TSGA10: variants seen among roughly 807,000 people sequenced by gnomAD.
TSGA10 encodes the protein testis-specific gene 10 protein.
A neutral mutation model predicts 96.6 loss-of-function variants in TSGA10; 43 were observed. That is an observed-to-expected ratio of 0.44 (90% confidence interval 0.35 to 0.57). The LOEUF is 0.57. Ranked by LOEUF, TSGA10 falls within the 20% of genes least tolerant of loss-of-function variation. The pLI is 0.01. For missense variants in TSGA10, 703 were observed against 834.4 expected, an observed-to-expected ratio of 0.84 and a Z score of 1.94; for synonymous variants, 229 against 269.9, an observed-to-expected ratio of 0.85 and a Z score of 1.48.
intron 10 of TSGA10, among the ~76,000 whole-genome samples, chr2:99,083,728 T>C (rs2087845981): frequency 6.6e-6 from 1 of 152,184 alleles, no homozygotes; most frequent in Non-Finnish European, 1.5e-5. Flanking sequence ...ATCATGGCTG[T>C]ATGACTCTTC....
chr2:98,998,576 G>A (rs1573266560), intron 20 of TSGA10, among the ~76,000 whole-genome samples: 1 of 152,200 alleles, frequency 6.6e-6, no homozygotes, highest in East Asian at 1.9e-4. Flanking sequence ...ACAGGGAGAT[G>A]AAGAAGGTCA....
chr2:99,085,119 C>A (rs938609781), intron 10 of TSGA10, among the ~76,000 whole-genome samples: 5 of 151,866 alleles, frequency 3.3e-5, no homozygotes, highest in African/African-American at 1.2e-4. Context: ...CAGTGGCATG[C>A]ACCTGCAATC....
chr2:99,004,204 T>C (rs1167428146), intron 20 of TSGA10, among the ~76,000 whole-genome samples: 1 of 151,906 alleles, frequency 6.6e-6, no homozygotes, highest in African/African-American at 2.4e-5. Context: ...CTAGAAGAAA[T>C]GGATAAATTC....
At chr2:99,008,721 T>G (rs957484028) in intron 20 of TSGA10, among the ~76,000 whole-genome samples, 9 of 152,198 alleles carry the variant, frequency 5.9e-5, no homozygotes, top group Non-Finnish European at 1.3e-4. Context: ...ATGTACAAGA[T>G]TATTCATTAC....
intron 6 of TSGA10, among the ~76,000 whole-genome samples, 191 bp from the exon 7 acceptor site, chr2:99,109,182 T>G (rs1574432894): frequency 1.3e-5 from 2 of 152,354 alleles, no homozygotes; most frequent in African/African-American, 4.8e-5. Context: ...TTTGCCTGAT[T>G]ACCTCCCAAG....
rs887134423 is a variant in TSGA10 at position 99,127,176 on chromosome 2, C to G, written c.-620G>C. 1 of 1,280,042 alleles carries G rather than the reference C, an allele frequency of 7.8e-7. No individual in the cohort carries two copies. The highest frequency in any genetic ancestry group is 2.4e-5 in the Admixed American group (1 of 40,962). 79.3% of individuals were successfully genotyped at this position (1,280,042 alleles called of 1,614,324 possible). On this transcript the variant is annotated splice_region_variant and 5_prime_UTR_variant, in exon 2 of 21. Transcript: ENST00000393483. The stretch of plus-strand genomic sequence containing the variant: ...CCAAAATCATATTCTTTGGTGGTAA[C>G]CTAGTACAAAGAATGGGAAATAATA...
At chr2:99,033,252 A>G (rs1323903241) in intron 17 of TSGA10, among the ~76,000 whole-genome samples, 1 of 152,244 alleles carries the variant, frequency 6.6e-6, no homozygotes, top group Non-Finnish European at 1.5e-5. Flanking sequence ...CAGCCACATT[A>G]AAGTACATGC....
chr2:99,119,114 G>A (rs1006832489), intron 2 of TSGA10, among the ~76,000 whole-genome samples: 1 of 152,018 alleles, frequency 6.6e-6, no homozygotes, highest in African/African-American at 2.4e-5. Context: ...CAGCTATAGA[G>A]TTATCGTCTT....
intron 10 of TSGA10, among the ~76,000 whole-genome samples, chr2:99,087,831 AC>A (rs2088744795): frequency 6.6e-6 from 1 of 152,220 alleles, no homozygotes; most frequent in Non-Finnish European, 1.5e-5. Flanking sequence ...AATAAAAACC[AC>A]CAAGCAAAAA....
intron 12 of TSGA10, among the ~76,000 whole-genome samples, chr2:99,078,211 C>T (rs751414569): frequency 2.8e-5 from 4 of 140,738 alleles, no homozygotes; most frequent in Non-Finnish European, 6.0e-5. Context: ...GCGGAGCTTG[C>T]AGTAAGCCGA....
chr2:99,102,124 G>C (rs765912247), intron 10 of TSGA10: 4 of 1,453,298 alleles, frequency 2.8e-6, no homozygotes, highest in Non-Finnish European at 3.9e-6. Flanking sequence ...GAGTTAGATA[G>C]GGGTTACAAA....
intron 1 of TSGA10, among the ~76,000 whole-genome samples, chr2:99,143,501 T>C (rs2093599890): frequency 6.7e-6 from 1 of 150,310 alleles, no homozygotes; most frequent in African/African-American, 2.5e-5. Flanking sequence ...TCTCACTCTG[T>C]TGCCCTGTAC....
chr2:99,065,363 T>A (rs796565878), intron 15 of TSGA10, among the ~76,000 whole-genome samples: 34 of 152,284 alleles, frequency 2.2e-4, no homozygotes, highest in African/African-American at 7.7e-4. Context: ...ATAGTAAATT[T>A]AGGTAAATTA....
At chr2:99,020,619 CCTT>C (rs1388514305) in intron 17 of TSGA10, 137 bp from the exon 18 acceptor site, 1 of 615,674 alleles carries the variant, frequency 1.6e-6, no homozygotes, top group Non-Finnish European at 2.9e-6. Flanking sequence ...TTGTGTCCCT[CCTT>C]CTTACCAAAT....
chr2:99,105,841 G>C (rs2091287029), intron 7 of TSGA10, 144 bp from the exon 8 acceptor site: 1 of 490,540 alleles, frequency 2.0e-6, no homozygotes, highest in Non-Finnish European at 3.5e-6. Context: ...TTTAAAATAA[G>C]CTTATACAAA....
chr2:99,105,570 C>T lies in TSGA10; in HGVS notation c.338G>A (p.Arg113Gln), dbSNP rs369313989. 49 of 1,611,966 alleles carry T rather than the reference C, an allele frequency of 3.0e-5. No individual in the cohort carries two copies. In the Middle Eastern group the frequency reaches 8.2e-4, roughly 27 times the overall value. The change falls in exon 8 of 21, where the codon CGA (arginine) becomes CAA (glutamine). Residue 113 changes from arginine (R) to glutamine (Q), a missense_variant. Transcript: ENST00000393483. ...ACTATCTCGTTCTGTGGTCATTCTTCGTAAATCAGTAAAGGCTACATCTCT... is the reference window on the plus strand; with the variant it reads ...ACTATCTCGTTCTGTGGTCATTCTTTGTAAATCAGTAAAGGCTACATCTCT... Reference protein sequence around the residue: ...TERDVAFTDLRRMTTERDSLR... With the variant: ...TERDVAFTDLQRMTTERDSLR...
intron 1 of TSGA10, among the ~76,000 whole-genome samples, chr2:99,133,502 T>C (rs952924259): frequency 4.6e-5 from 7 of 152,236 alleles, no homozygotes; most frequent in Non-Finnish European, 1.0e-4. Context: ...ATGGGTCTCC[T>C]GAATACAACA....
intron 1 of TSGA10, among the ~76,000 whole-genome samples, chr2:99,129,009 G>A (rs2092952192): frequency 6.6e-6 from 1 of 152,090 alleles, no homozygotes; most frequent in Non-Finnish European, 1.5e-5. Flanking sequence ...AGGTCTCCCT[G>A]GGATTACAGG....
At chr2:99,043,854 G>C (rs2082456366) in intron 16 of TSGA10, among the ~76,000 whole-genome samples, 1 of 152,182 alleles carries the variant, frequency 6.6e-6, no homozygotes, top group Admixed American at 6.5e-5. Context: ...CTACAAGCCA[G>C]AAGAGAGTGG....
Sources: allele counts gnomAD v4.1 joint callset (sites outside exome capture counted in the v4.1 genomes callset), GRCh38; gene constraint gnomAD v4.1.1; transcripts MANE v1.5; gene names NCBI Gene and HGNC (gene_info 2026-07-23, HGNC 2026-07-21).